GREB1L: variants seen among roughly 807,000 people sequenced by gnomAD.
GREB1L encodes the protein GREB1-like protein.
A neutral mutation model predicts 200.8 loss-of-function variants in GREB1L; 17 were observed. The ratio of observed to expected loss-of-function variants is 0.08; its 90% CI spans 0.06 to 0.13. The LOEUF (loss-of-function observed/expected upper bound fraction) is 0.13, where lower values mean the gene tolerates loss of function less well. Among genes scored for constraint, GREB1L ranks in the 10% least tolerant of loss-of-function variants. The probability of loss-of-function intolerance (pLI) is 1.00; values close to 1 mark genes in which losing one functional copy is unlikely to be tolerated. For missense variants in GREB1L, 1,657 were observed against 2,367.7 expected (o/e 0.70, Z 6.23); for synonymous variants, 789 against 893.0 (o/e 0.88, Z 2.08).
chr18:21,515,695 C>G, intron 29 of GREB1L, 51 bp downstream of exon 29: 1 of 1,280,928 alleles, frequency 7.8e-7, no homozygotes, highest in Admixed American at 2.0e-5. Flanking sequence ...CTGATTGCTT[C>G]TGCCCAGCTC....
chr18:21,521,989 G>A (rs1407354152), intron 32 of GREB1L, among the ~76,000 whole-genome samples: 1 of 38,406 alleles, frequency 2.6e-5, no homozygotes, highest in Non-Finnish European at 4.4e-5. Context: ...GGGCAACAGA[G>A]GAAGACTCCG....
At position 21,279,358 on chromosome 18, in the gene GREB1L, A is replaced by T. The variant is rs115380150; in HGVS notation, c.-120+36965A>T. Reference sequence around the variant, plus strand: ...TTCTTATGGAAGCCTAATTCCATCTAATTATATGCCTAAATTTCTTTATCA... The same window carrying T: ...TTCTTATGGAAGCCTAATTCCATCTTATTATATGCCTAAATTTCTTTATCA... On this transcript the variant is annotated intron_variant, in intron 1 of 32. Coordinates refer to ENST00000424526, the MANE Select transcript of GREB1L (RefSeq NM_001142966.3). Among the ~76,000 whole-genome samples, 1,157 of 152,212 alleles carry T rather than the reference A, an allele frequency of 7.6e-3. 14 individuals carry two copies. Among genetic ancestry groups the T allele is most frequent in the African/African-American group, 0.026 (1,086 of 41,528 alleles).
chr18:21,428,382 G>A (rs1404490254), intron 7 of GREB1L, among the ~76,000 whole-genome samples: 3 of 104,210 alleles, frequency 2.9e-5, no homozygotes, highest in East Asian at 2.7e-4. Flanking sequence ...GAAACTGGAA[G>A]TAGTGGTTTT....
intron 1 of GREB1L, among the ~76,000 whole-genome samples, chr18:21,288,371 T>A (rs2038392418): frequency 6.6e-6 from 1 of 152,180 alleles, no homozygotes; most frequent in African/African-American, 2.4e-5. Context: ...TTTGTGCCAC[T>A]GCAGGGCTGT....
intron 1 of GREB1L, among the ~76,000 whole-genome samples, chr18:21,245,794 T>C (rs1237597868): frequency 6.6e-6 from 1 of 152,192 alleles, no homozygotes; most frequent in East Asian, 1.9e-4. Flanking sequence ...CTCCACTCAC[T>C]GCAAGCTCCG....
chr18:21,267,308 A>G (rs924736185), intron 1 of GREB1L, among the ~76,000 whole-genome samples: 34 of 150,072 alleles, frequency 2.3e-4, no homozygotes, highest in African/African-American at 8.1e-4. Context: ...CAGCCTCCTG[A>G]GTAGCTGGGA....
chr18:21,410,419 G>A (rs2030823762), intron 7 of GREB1L, among the ~76,000 whole-genome samples: 1 of 152,084 alleles, frequency 6.6e-6, no homozygotes, highest in Non-Finnish European at 1.5e-5. Context: ...ACTTTGGGAG[G>A]CTGAGGTGGG....
intron 1 of GREB1L, among the ~76,000 whole-genome samples, chr18:21,336,982 T>A (rs2039195367): frequency 6.6e-6 from 1 of 152,182 alleles, no homozygotes; most frequent in Non-Finnish European, 1.5e-5. Context: ...TTTTATTGCT[T>A]AACTTTTCCA....
At chr18:21,242,749 G>T (rs2037521859) in intron 1 of GREB1L, among the ~76,000 whole-genome samples, 1 of 152,180 alleles carries the variant, frequency 6.6e-6, no homozygotes, top group South Asian at 2.1e-4. Context: ...CGGCCCGGGG[G>T]TGGGACGAGG....
At chr18:21,465,516 A>G (rs1448155792) in intron 15 of GREB1L, among the ~76,000 whole-genome samples, 1 of 152,152 alleles carries the variant, frequency 6.6e-6, no homozygotes, top group Non-Finnish European at 1.5e-5. Flanking sequence ...TTTAGCAAAA[A>G]CACAACAATA....
intron 1 of GREB1L, among the ~76,000 whole-genome samples, chr18:21,365,031 T>C (rs1175482531): frequency 2.0e-5 from 3 of 152,146 alleles, no homozygotes; most frequent in Non-Finnish European, 4.4e-5. Context: ...AACCTAGACC[T>C]TCCATTTTTA....
rs1236943021 is a variant in GREB1L at position 21,524,896 on chromosome 18, T to TATC, written c.*2076_*2078dup. 2 of 152,068 alleles carry TATC rather than the reference T, an allele frequency of 1.3e-5. No homozygotes were observed. Among genetic ancestry groups the TATC allele is most frequent in the Non-Finnish European group, 2.9e-5 (2 of 67,990 alleles). The allele number at this position is 152,068 out of a possible 1,614,324, so 9.4% of individuals were successfully genotyped here. The stretch of plus-strand genomic sequence containing the variant: ...TGATCTGCCTATTCTTTTCAAAGCC[T>TATC]ATCTTACTAATGTTTGGATCTTTTA... On this transcript the variant is annotated 3_prime_UTR_variant, in exon 33 of 33. Coordinates refer to ENST00000424526, the MANE Select transcript of GREB1L (RefSeq NM_001142966.3).
At chr18:21,306,914 A>C (rs570431775) in intron 1 of GREB1L, among the ~76,000 whole-genome samples, 2 of 152,370 alleles carry the variant, frequency 1.3e-5, no homozygotes, top group East Asian at 3.9e-4. Context: ...CAGACTCACC[A>C]AAATTAAAAG....
chr18:21,462,513 G>A (rs1448063874), intron 15 of GREB1L, among the ~76,000 whole-genome samples: 5 of 152,194 alleles, frequency 3.3e-5, no homozygotes, highest in East Asian at 3.8e-4. Context: ...GCAGTGGCAC[G>A]ATCTTGGCTC....
At chr18:21,394,181 A>G (rs2040946492) in intron 4 of GREB1L, among the ~76,000 whole-genome samples, 1 of 152,146 alleles carries the variant, frequency 6.6e-6, no homozygotes, top group African/African-American at 2.4e-5. Context: ...GGCCTTGTTT[A>G]TGTCATATGT....
At chr18:21,262,915 A>G (rs947189441) in intron 1 of GREB1L, among the ~76,000 whole-genome samples, 2 of 152,238 alleles carry the variant, frequency 1.3e-5, no homozygotes, top group African/African-American at 4.8e-5. Flanking sequence ...ATGGGCTTAC[A>G]GGGGTATTTT....
intron 15 of GREB1L, among the ~76,000 whole-genome samples, chr18:21,470,298 T>C (rs2035432485): frequency 6.6e-6 from 1 of 152,112 alleles, no homozygotes. Context: ...TTTAAATTTT[T>C]TTTTAAAAAA....
At chr18:21,289,905 A>G (rs1305864247) in intron 1 of GREB1L, among the ~76,000 whole-genome samples, 1 of 152,148 alleles carries the variant, frequency 6.6e-6, no homozygotes, top group East Asian at 1.9e-4. Flanking sequence ...TTTGTTGACA[A>G]GACACATAGT....
intron 32 of GREB1L, among the ~76,000 whole-genome samples, chr18:21,521,795 G>A (rs1449323323): frequency 6.6e-6 from 1 of 151,708 alleles, no homozygotes; most frequent in Non-Finnish European, 1.5e-5. Flanking sequence ...GCTGAGCTCA[G>A]GAGTTTGAGA....
Sources: allele counts gnomAD v4.1 joint callset (sites outside exome capture counted in the v4.1 genomes callset), GRCh38; gene constraint gnomAD v4.1.1; transcripts MANE v1.5; gene names NCBI Gene and HGNC (gene_info 2026-07-23, HGNC 2026-07-21).